Variants in YEATS2 observed in about 807,000 individuals in gnomAD.
The protein encoded by YEATS2 is YEATS domain containing 2.
YEATS2 carries 77 observed loss-of-function variants against 163.2 expected under a neutral mutation model. That is an observed-to-expected ratio of 0.47 (90% CI 0.39 to 0.57). The LOEUF (loss-of-function observed/expected upper bound fraction) is 0.57. Ranked by LOEUF, YEATS2 falls within the 20% of genes least tolerant of loss-of-function variation. The pLI is 0.00. For missense variants in YEATS2, 1,549 were observed against 1,729.8 expected, an observed-to-expected ratio of 0.90 and a Z score of 1.85; for synonymous variants, 631 against 645.1, an observed-to-expected ratio of 0.98 and a Z score of 0.33.
chr3:183,757,742 A>G (rs77006847), intron 12 of YEATS2, among the ~76,000 whole-genome samples: 3,633 of 151,054 alleles, frequency 0.024, 152 homozygotes, highest in African/African-American at 0.083. Context: ...GATTTAACAC[A>G]TGAATGTATG....
chr3:183,777,788 GAAATTAAGGTTACATAAGA>G (rs752040958), intron 19 of YEATS2, 88 bp downstream of exon 19: 425 of 1,468,486 alleles, frequency 2.9e-4, no homozygotes, highest in Non-Finnish European at 3.8e-4. Flanking sequence ...TTTTCACAAA[GAAATTAAGGTTACATAAGA>G]AAATGAACAA....
At chr3:183,767,821 A>G (rs531427056) in intron 15 of YEATS2, among the ~76,000 whole-genome samples, 4 of 152,108 alleles carry the variant, frequency 2.6e-5, no homozygotes, top group Non-Finnish European at 5.9e-5. Flanking sequence ...CCGGCAGGAT[A>G]CCAGGTTTTA....
chr3:183,788,835 G>A (rs1198533924), intron 20 of YEATS2, among the ~76,000 whole-genome samples: 1 of 151,340 alleles, frequency 6.6e-6, no homozygotes, highest in East Asian at 1.9e-4. Flanking sequence ...TGGGTGGGAT[G>A]CTTTCTCATT....
rs1243524549 is a variant in YEATS2, at chr3:183,728,792, C to A, written c.753C>A (p.Val251=). Residue 251 remains valine, a synonymous_variant, in exon 7 of 31, where the codon GTC becomes GTA. Transcript: ENST00000305135. ...GAGAACCCAGCATTAATCATTTTGT[C>A]AAGAAGGTTTGGTTCTTCCTTCATC... ...SRREPSINHF[V]KKVWFFLHPS... The A allele has an allele frequency of 1.9e-6, 3 of 1,613,954 alleles. No homozygotes were observed. Among genetic ancestry groups the A allele is most frequent in the Admixed American group, 3.3e-5 (2 of 59,992 alleles).
At position 183,697,818 on chromosome 3, in the gene YEATS2, G is replaced by A. The variant is rs1467907069; in HGVS notation, c.-195G>A. 1 of 149,996 alleles carries A rather than the reference G, an allele frequency of 6.7e-6. No individual in the cohort carries two copies. The highest frequency in any genetic ancestry group is 6.6e-5 in the Admixed American group (1 of 15,056). The allele number at this position is 149,996 out of a possible 1,614,324, so 9.3% of individuals were successfully genotyped here. On this transcript the variant is annotated 5_prime_UTR_variant, in exon 1 of 31. Coordinates refer to ENST00000305135, the MANE Select transcript of YEATS2 (RefSeq NM_018023.5). ...CCCCGACGCGCCCAGCTGCTGACGT[G>A]CGGGGCGGAACGCGCCGGGCGGGCT... is the stretch of plus-strand genomic sequence containing the variant.
intron 13 of YEATS2, among the ~76,000 whole-genome samples, chr3:183,759,876 C>T (rs1055140406): frequency 6.6e-6 from 1 of 152,210 alleles, no homozygotes; most frequent in African/African-American, 2.4e-5. Flanking sequence ...CGGGGAGCAT[C>T]AGTGTTTCCT....
chr3:183,793,121 T>A, intron 21 of YEATS2: 1 of 1,285,910 alleles, frequency 7.8e-7, no homozygotes, highest in South Asian at 1.2e-5. Flanking sequence ...TGCAGATTGA[T>A]ACCAGCCAGC....
At chr3:183,801,738 G>T in intron 25 of YEATS2, 1 of 451,770 alleles carries the variant, frequency 2.2e-6, no homozygotes, top group South Asian at 3.6e-5. Context: ...ATCTGTAGAA[G>T]GAATGTTTTA....
chr3:183,752,125 C>T lies in YEATS2; in HGVS notation c.1022C>T (p.Pro341Leu), dbSNP rs374460450. The change falls in exon 10 of 31, where the codon CCT (proline) becomes CTT (leucine). Residue 341 changes from proline to leucine, a missense_variant. By Grantham distance (98) the Pro-to-Leu change is moderately conservative (BLOSUM62 -3). Transcript: ENST00000305135. ...TCTCTCGGAGAAGACTGTATCTATC[C>T]TCAGTCCTCGGAGTCTGACATCTCT... is the stretch of plus-strand genomic sequence containing the variant. ...RHSLGEDCIY[P>L]QSSESDISDA... The T allele has an allele frequency of 6.2e-7, 1 of 1,614,116 alleles. No homozygotes were observed. The highest frequency in any genetic ancestry group is 1.3e-5 in the African/African-American group (1 of 75,018).
In YEATS2 at chr3:183,801,605, T is replaced by G. The variant is rs567700720; in HGVS notation, c.3502+77T>G. ...AAGGTATTGAGTCAACTGAAATCAC[T>G]TGGGATTGTAAATTAATATTGATAT... On this transcript the variant is annotated intron_variant, in intron 25 of 30. Transcript: ENST00000305135. 7.0e-6 allele frequency: 8 copies of G among 1,150,974 alleles called. No homozygotes were observed. The East Asian group carries it at 2.0e-4, about 29-fold the overall frequency. The allele number at this position is 1,150,974 out of a possible 1,614,324, so 71.3% of individuals were successfully genotyped here.
chr3:183,769,033 A>G (rs1466388176), intron 15 of YEATS2, among the ~76,000 whole-genome samples: 2 of 152,208 alleles, frequency 1.3e-5, no homozygotes, highest in African/African-American at 2.4e-5. Context: ...CAACCAAACC[A>G]GGAGAGCCGG....
intron 21 of YEATS2, chr3:183,793,555 C>A: frequency 2.0e-6 from 1 of 492,006 alleles, no homozygotes; most frequent in Non-Finnish European, 2.6e-6. Flanking sequence ...GCTGTAAGTT[C>A]TAGTTTCCTA....
chr3:183,779,942 C>T (rs955140409), intron 19 of YEATS2, among the ~76,000 whole-genome samples: 24 of 151,342 alleles, frequency 1.6e-4, no homozygotes, highest in Admixed American at 9.9e-4. Context: ...GTGATCTGCC[C>T]GCCTCGGCCT....
At chr3:183,714,372 A>G (rs1293231683) in intron 1 of YEATS2, among the ~76,000 whole-genome samples, 5 of 146,388 alleles carry the variant, frequency 3.4e-5, no homozygotes, top group Admixed American at 6.8e-5. Flanking sequence ...TTTTTTTTGT[A>G]TTTTTAGTAG....
intron 18 of YEATS2, among the ~76,000 whole-genome samples, 178 bp downstream of exon 18, chr3:183,776,301 T>C (rs1255717668): frequency 6.6e-6 from 1 of 152,150 alleles, no homozygotes; most frequent in Non-Finnish European, 1.5e-5. Flanking sequence ...CCTAGCACTT[T>C]GGGAGGCCAA....
At position 183,716,016 on chromosome 3, in the gene YEATS2, G is replaced by A. The variant is rs192375889; in HGVS notation, c.100+754G>A. 1.7e-3 allele frequency among the ~76,000 whole-genome samples: 256 copies of A among 152,192 alleles called. 2 individuals are homozygous for A. The highest frequency in any genetic ancestry group is 5.6e-3 in the African/African-American group (231 of 41,554). ...GCTCTGTCCCCCAGGCTGGAGTGCA[G>A]TGGCGTGATCTCGGCTCACTGCAAG... On this transcript the variant is annotated intron_variant, in intron 2 of 30. Transcript: ENST00000305135.
intron 7 of YEATS2, among the ~76,000 whole-genome samples, chr3:183,730,052 GTTTTTTTTT>G (rs869091775): frequency 1.1e-3 from 45 of 41,702 alleles, no homozygotes; most frequent in Admixed American, 3.4e-3. Context: ...TTTTTTGTTT[GTTTTTTTTT>G]TTTTTTTTTT....
rs559687530 is a variant in YEATS2 at position 183,784,990 on chromosome 3, T to C, written c.2737-1135T>C. Among the ~76,000 whole-genome samples, 393 of 151,846 alleles carry C rather than the reference T, an allele frequency of 2.6e-3. 1 individual carries two copies. Among genetic ancestry groups the C allele is most frequent in the Non-Finnish European group, 3.5e-3 (237 of 67,954 alleles). The stretch of plus-strand genomic sequence containing the variant: ...CGGGAGGCTGAGGCAGGAGAATCGC[T>C]TGAACCCAGGAGGCAGAGGTTGCAG... On this transcript the variant is annotated intron_variant, in intron 19 of 30. Transcript: ENST00000305135.
At chr3:183,700,054 T>C (rs1399153503) in intron 1 of YEATS2, among the ~76,000 whole-genome samples, 1 of 151,940 alleles carries the variant, frequency 6.6e-6, no homozygotes, top group Non-Finnish European at 1.5e-5. Context: ...TACTAGTATG[T>C]TTGAACATTT....
Sources: allele counts gnomAD v4.1 joint callset (sites outside exome capture counted in the v4.1 genomes callset), GRCh38; gene constraint gnomAD v4.1.1; transcripts MANE v1.5; gene names NCBI Gene and HGNC (gene_info 2026-07-23, HGNC 2026-07-21).